Variants in BTNL9 observed in about 807,000 individuals in gnomAD.
BTNL9 encodes the protein butyrophilin like 9.
A neutral mutation model predicts 45.8 loss-of-function variants in BTNL9; 45 were observed. The ratio of observed to expected loss-of-function variants is 0.98; its 90% CI spans 0.77 to 1.26. The LOEUF (loss-of-function observed/expected upper bound fraction) is 1.26, where lower values mean the gene tolerates loss of function less well. Among genes scored for constraint, BTNL9 ranks in the 50% most tolerant of loss-of-function variants. The pLI is 0.00. For missense variants in BTNL9, 784 were observed against 729.7 expected, an observed-to-expected ratio of 1.07 and a Z score of -0.86; for synonymous variants, 346 against 330.8, an observed-to-expected ratio of 1.05 and a Z score of -0.50.
chr5:181,054,654 G>A (rs1761780058), intron 7 of BTNL9: 1 of 985,286 alleles, frequency 1.0e-6, no homozygotes, highest in Admixed American at 6.1e-5. Flanking sequence ...GAGGGACTCA[G>A]AGACGTGAAA....
At chr5:181,054,383 C>T (rs947611508) in intron 7 of BTNL9, 124 bp downstream of exon 7, 37 of 1,532,464 alleles carry the variant, frequency 2.4e-5, no homozygotes, top group South Asian at 6.6e-5. Flanking sequence ...TCCCTGTGAG[C>T]CTCCACCTCT....
In BTNL9 at chr5:181,059,673, C is replaced by T. The variant is rs1050926485; in HGVS notation, c.1419C>T (p.Thr473=). ...FNVSDGSHIF[T]FHDTFSGALC... The stretch of plus-strand genomic sequence containing the variant: ...TGTCCGACGGCTCCCACATCTTCAC[C>T]TTCCACGACACCTTCTCGGGCGCGC... The change falls in exon 11 of 11, where the codon ACC becomes ACT. Residue 473 remains threonine, a synonymous_variant. Transcript: ENST00000327705. 9 of 1,613,754 alleles carry T rather than the reference C, an allele frequency of 5.6e-6. 1 individual carries two copies. Among genetic ancestry groups the T allele is most frequent in the African/African-American group, 2.7e-5 (2 of 75,068 alleles).
intron 7 of BTNL9, chr5:181,054,722 G>A: frequency 3.0e-6 from 3 of 985,292 alleles, no homozygotes; most frequent in Non-Finnish European, 3.6e-6. Flanking sequence ...AGGGGGAATG[G>A]AGGAAAAGGC....
chr5:181,048,053 C>G lies in BTNL9; in HGVS notation c.236C>G (p.Thr79Ser). 3 of 1,613,736 alleles carry G rather than the reference C, an allele frequency of 1.9e-6. No homozygotes were observed. Among genetic ancestry groups the G allele is most frequent in the Non-Finnish European group, 2.5e-6 (3 of 1,180,008 alleles). ...GAGATCCGCTGGTTCCGGAGTCAGA[C>G]CTTCAATGTGGTACACCTGTACCAG... The part of the protein sequence containing the change: ...QMEIRWFRSQ[T>S]FNVVHLYQEQ... The change falls in exon 3 of 11, where the codon ACC (threonine) becomes AGC (serine). Residue 79 changes from threonine (T) to serine (S), a missense_variant. Coordinates refer to ENST00000327705, the MANE Select transcript of BTNL9 (RefSeq NM_152547.5).
At position 181,048,563 on chromosome 5, in the gene BTNL9, C is replaced by T. The variant is rs1761316283; in HGVS notation, c.454+292C>T. On this transcript the variant is annotated intron_variant, in intron 3 of 10. Coordinates refer to ENST00000327705, the MANE Select transcript of BTNL9 (RefSeq NM_152547.5). ...TGAGCTCCAGAGTTCGAGACCAGCC[C>T]AGGCAACATAGGGAGACCCCATCTC... Among the ~76,000 whole-genome samples, 5 of 151,526 alleles carry T rather than the reference C, an allele frequency of 3.3e-5. No individual in the cohort carries two copies. In the South Asian group the frequency reaches 1.0e-3, roughly 31 times the overall value.
intron 4 of BTNL9, chr5:181,052,986 C>G (rs1489168048): frequency 7.2e-6 from 1 of 139,064 alleles, no homozygotes. Context: ...TTCCCTCCCG[C>G]ACGCCCCGCG....
chr5:181,048,930 T>TTA lies in BTNL9; in HGVS notation c.454+664_454+665dup, dbSNP rs550533126. ...ATATATAATATAAAAATAATATATA[T>TTA]TATATAATATATATAATATATAATA... On this transcript the variant is annotated intron_variant, in intron 3 of 10. Transcript: ENST00000327705. Among the ~76,000 whole-genome samples, 228 of 94,854 alleles carry TTA rather than the reference T, an allele frequency of 2.4e-3. 4 individuals are homozygous for TTA. Among genetic ancestry groups the TTA allele is most frequent in the African/African-American group, 7.7e-3 (216 of 28,196 alleles). 62.2% of individuals were successfully genotyped at this position (94,854 alleles called of 152,430 possible).
chr5:181,046,698 C>A (rs558259240), intron 2 of BTNL9, among the ~76,000 whole-genome samples: 4 of 143,870 alleles, frequency 2.8e-5, no homozygotes, highest in East Asian at 4.0e-4. Context: ...AGAGAGAGAG[C>A]GAGAGAGAGA....
Position 181,053,982 on chromosome 5 carries a change from C to A in BTNL9, c.887-257C>A. 6.5e-7 allele frequency: 1 copy of A among 1,533,108 alleles called. No homozygotes were observed. Among genetic ancestry groups the A allele is most frequent in the Non-Finnish European group, 8.7e-7 (1 of 1,143,932 alleles). 95.0% of individuals were successfully genotyped at this position (1,533,108 alleles called of 1,614,324 possible). A position where few individuals can be genotyped will look rare whatever the true frequency, so the allele number is the denominator to read the frequency against. On this transcript the variant is annotated intron_variant, in intron 6 of 10. Transcript: ENST00000327705. This position sits in a 1 kb window ranked among gnomAD's most constrained non-coding sequence, Gnocchi z 6.5. ...CCGAGCTAATAGATTTGGGAGGCTC[C>A]GACCCTGATTTTCACACTAGCAGGA...
In BTNL9 at chr5:181,059,899, C is replaced by A. The variant is rs762235917; in HGVS notation, c.*37C>A. The A allele has an allele frequency of 4.1e-6, 6 of 1,475,294 alleles. No individual in the cohort carries two copies. Among genetic ancestry groups the A allele is most frequent in the Admixed American group, 4.4e-5 (2 of 45,200 alleles). 91.4% of individuals were successfully genotyped at this position (1,475,294 alleles called of 1,614,324 possible). A position where few individuals can be genotyped will look rare whatever the true frequency, so the allele number is the denominator to read the frequency against. On this transcript the variant is annotated 3_prime_UTR_variant, in exon 11 of 11. Coordinates refer to ENST00000327705, the MANE Select transcript of BTNL9 (RefSeq NM_152547.5). ...GGCCGCGGGACTGGCCCCGGGGGGCCCCCTGGATCCCAGGCCAGCGCTTTG... is the reference window on the plus strand; with the variant it reads ...GGCCGCGGGACTGGCCCCGGGGGGCACCCTGGATCCCAGGCCAGCGCTTTG...
chr5:181,051,640 C>G (rs761342167), intron 4 of BTNL9, among the ~76,000 whole-genome samples: 27 of 152,116 alleles, frequency 1.8e-4, no homozygotes, highest in Non-Finnish European at 2.5e-4. Context: ...CGGCAGTGCT[C>G]TCTCTTTTAT....
At position 181,053,936 on chromosome 5, in the gene BTNL9, G is replaced by T. The variant is rs1413813361; in HGVS notation, c.887-303G>T. 1.2e-5 allele frequency: 18 copies of T among 1,518,598 alleles called. No individual in the cohort carries two copies. The highest frequency in any genetic ancestry group is 1.5e-5 in the Non-Finnish European group (17 of 1,136,128). 94.1% of individuals were successfully genotyped at this position (1,518,598 alleles called of 1,614,324 possible). Reference sequence around the variant, plus strand: ...AAACAGCCCAGTTACGTGAGGCAGTGTCCGGGGCTTAACGTTTCCGCCGAG... The same window carrying T: ...AAACAGCCCAGTTACGTGAGGCAGTTTCCGGGGCTTAACGTTTCCGCCGAG... On this transcript the variant is annotated intron_variant, in intron 6 of 10. Coordinates refer to ENST00000327705, the MANE Select transcript of BTNL9 (RefSeq NM_152547.5). The surrounding 1 kb of genome is among the most constrained non-coding windows in gnomAD (Gnocchi z 6.5).
rs757416121 is a variant in BTNL9, at chr5:181,055,933, C to T, written c.929-56C>T. ...GTGGGTGCAAGATGTGATGTGTGAG[C>T]AGGGAAGCTTGGGGTCCTGATGTGC... On this transcript the variant is annotated intron_variant, in intron 8 of 10. Coordinates refer to ENST00000327705, the MANE Select transcript of BTNL9 (RefSeq NM_152547.5). This position sits in a 1 kb window ranked among gnomAD's most constrained non-coding sequence, Gnocchi z 4.4. 5.0e-6 allele frequency: 8 copies of T among 1,607,376 alleles called. No homozygotes were observed. In the South Asian group the frequency reaches 8.8e-5, roughly 18 times the overall value.
chr5:181,048,852 ATAT>A lies in BTNL9; in HGVS notation c.454+585_454+587del, dbSNP rs1390738667. Among the ~76,000 whole-genome samples, 253 of 120,382 alleles carry A rather than the reference ATAT, an allele frequency of 2.1e-3. 2 individuals carry two copies. The highest frequency in any genetic ancestry group is 8.3e-3 in the African/African-American group (225 of 27,164). The allele number at this position is 120,382 out of a possible 152,430, so 79.0% of individuals were successfully genotyped here. ...ATTATATAATTATATTAGTTATATA[ATAT>A]TATATAATTATATTAGTTATATAAT... On this transcript the variant is annotated intron_variant, in intron 3 of 10. Coordinates refer to ENST00000327705, the MANE Select transcript of BTNL9 (RefSeq NM_152547.5).
In BTNL9 at chr5:181,053,444, C is replaced by G; in HGVS notation, c.854-25C>G. ...GAAGGGGCGGGGGCGCGCACTCAGC[C>G]CTCTCCGCTCCCGTTTCCCTTCAGA... On this transcript the variant is annotated intron_variant, in intron 5 of 10. Coordinates refer to ENST00000327705, the MANE Select transcript of BTNL9 (RefSeq NM_152547.5). The surrounding 1 kb of genome is among the most constrained non-coding windows in gnomAD (Gnocchi z 6.5). The G allele has an allele frequency of 6.4e-7, 1 of 1,558,544 alleles. No individual in the cohort carries two copies. The highest frequency in any genetic ancestry group is 1.2e-5 in the South Asian group (1 of 84,688).
Position 181,059,959 on chromosome 5 carries a change from A to C in BTNL9, c.*97A>C. 1 of 1,132,262 alleles carries C rather than the reference A, an allele frequency of 8.8e-7. No individual in the cohort carries two copies. The allele number at this position is 1,132,262 out of a possible 1,614,324, so 70.1% of individuals were successfully genotyped here. On this transcript the variant is annotated 3_prime_UTR_variant, in exon 11 of 11. Transcript: ENST00000327705. ...TCCGTCTGAAGGGAGCAGGTGCACCAGCCAAAATGTCAGCGAGGGGGACAA... is the reference window on the plus strand; with the variant it reads ...TCCGTCTGAAGGGAGCAGGTGCACCCGCCAAAATGTCAGCGAGGGGGACAA...
rs575423854 is a variant in BTNL9 at position 181,055,755 on chromosome 5, C to T, written c.929-234C>T. On this transcript the variant is annotated intron_variant, in intron 8 of 10. Coordinates refer to ENST00000327705, the MANE Select transcript of BTNL9 (RefSeq NM_152547.5). This position sits in a 1 kb window ranked among gnomAD's most constrained non-coding sequence, Gnocchi z 4.4. ...CTGCACTCCAGCCTGGGCGACAGAG[C>T]GAGACTCTGTCTCAAAAAAAAAAAG... The T allele has an allele frequency of 1.1e-5, 8 of 707,100 alleles. No individual in the cohort carries two copies. Among genetic ancestry groups the T allele is most frequent in the African/African-American group, 3.5e-5 (2 of 57,200 alleles). 43.8% of individuals were successfully genotyped at this position (707,100 alleles called of 1,614,324 possible). A position where few individuals can be genotyped will look rare whatever the true frequency, so the allele number is the denominator to read the frequency against.
At chr5:181,045,917 CCCCAACACCTCCTCCACCA>C in intron 2 of BTNL9, among the ~76,000 whole-genome samples, 1 of 67,710 alleles carries the variant, frequency 1.5e-5, no homozygotes, top group African/African-American at 6.3e-5. Flanking sequence ...TCTCCCCAGC[CCCCAACACCTCCTCCACCA>C]TCTCCCCAGC....
At chr5:181,052,307 C>G (rs1363599739) in intron 4 of BTNL9, among the ~76,000 whole-genome samples, 7 of 152,190 alleles carry the variant, frequency 4.6e-5, no homozygotes, top group Non-Finnish European at 1.0e-4. Context: ...ACGGAGGGCG[C>G]CAGGGGCTTG....
Sources: gnomAD v4.1 joint callset for allele counts (sites outside exome capture counted in the v4.1 genomes callset) on GRCh38, gnomAD v4.1.1 for gene constraint, Gnocchi (gnomAD v3.1) non-coding constraint, MANE v1.5 for transcripts, NCBI Gene and HGNC (gene_info 2026-07-23, HGNC 2026-07-21) for gene names.